RASGRP4: variants seen among roughly 807,000 people sequenced by gnomAD.
RASGRP4 encodes the protein RAS guanyl-releasing protein 4.
A neutral mutation model predicts 84.4 loss-of-function variants in RASGRP4; 52 were observed. That is an observed-to-expected ratio of 0.62 (90% confidence interval 0.49 to 0.78). The LOEUF (loss-of-function observed/expected upper bound fraction) is 0.78. Ranked by LOEUF, RASGRP4 falls within the 30% of genes least tolerant of loss-of-function variation. The probability of loss-of-function intolerance (pLI) is 0.00; values close to 1 mark genes in which losing one functional copy is unlikely to be tolerated. For synonymous variants in RASGRP4, 356 were observed against 359.1 expected (o/e 0.99, Z 0.10); for missense variants, 760 against 886.9 (o/e 0.86, Z 1.82).
chr19:38,425,398 C>T (rs1041904483), intron 1 of RASGRP4, among the ~76,000 whole-genome samples: 4 of 152,180 alleles, frequency 2.6e-5, no homozygotes, highest in Middle Eastern at 3.2e-3. Context: ...AGTTAAGTGA[C>T]TTACCTAAGG....
intron 13 of RASGRP4, chr19:38,411,642 C>T (rs920842284): frequency 1.1e-5 from 5 of 467,588 alleles, no homozygotes; most frequent in African/African-American, 9.7e-5. Flanking sequence ...TGCAATGAAC[C>T]ATGATCGTAC....
At position 38,412,996 on chromosome 19, in the gene RASGRP4, GTCC is replaced by G; in HGVS notation, c.1467_1469del (p.Glu489del). ...GAAAATTGCCCGAGAGTCGCTCAAA[GTCC>G]TCCTGAGAGATTGTTCCTCGGCCTT... On this transcript the variant is annotated inframe_deletion, in exon 12 of 17. Coordinates refer to ENST00000615439, the MANE Select transcript of RASGRP4 (RefSeq NM_170604.3). The surrounding 1 kb of genome is among the most constrained non-coding windows in gnomAD (Gnocchi z 4.6). 2 of 1,614,022 alleles carry G rather than the reference GTCC, an allele frequency of 1.2e-6. No individual in the cohort carries two copies. The highest frequency in any genetic ancestry group is 1.7e-6 in the Non-Finnish European group (2 of 1,179,890).
intron 1 of RASGRP4, among the ~76,000 whole-genome samples, chr19:38,422,461 C>T (rs886265950): frequency 6.6e-6 from 1 of 152,176 alleles, no homozygotes. Context: ...AGGTACCAGT[C>T]CGTGGCCTGT....
chr19:38,411,495 G>T, intron 13 of RASGRP4, 114 bp from the exon 14 acceptor site: 1 of 1,026,592 alleles, frequency 9.7e-7, no homozygotes, highest in South Asian at 1.7e-5. Context: ...AATTCTCAAG[G>T]CTAGAGATTT....
At chr19:38,420,655 C>A (rs1418867182) in intron 4 of RASGRP4, among the ~76,000 whole-genome samples, 1 of 144,308 alleles carries the variant, frequency 6.9e-6, no homozygotes, top group African/African-American at 2.6e-5. Flanking sequence ...AGTTGGAGGT[C>A]TCTGGGCACC....
At position 38,417,159 on chromosome 19, in the gene RASGRP4, G is replaced by A. The variant is rs1426836692; in HGVS notation, c.847C>T (p.Gln283Ter). ...ATCAGCGTGTTGAAATTCTGCAGCT[G>A]GTGGAGCCTCTAGGAAGAGAAGCAT... ...KFIHVAQRLH[Q>*]LQNFNTLMAV... is the part of the protein sequence containing the mutation. Residue 283 changes from glutamine to a stop codon, truncating the protein, a stop_gained, in exon 8 of 17, where the codon CAG becomes TAG. Coordinates refer to ENST00000615439, the MANE Select transcript of RASGRP4 (RefSeq NM_170604.3). LOFTEE classifies it high-confidence loss of function. This position sits in a 1 kb window ranked among gnomAD's most constrained non-coding sequence, Gnocchi z 5.1. 6.4e-7 allele frequency: 1 copy of A among 1,556,358 alleles called. No individual in the cohort carries two copies. Among genetic ancestry groups the A allele is most frequent in the Non-Finnish European group, 8.7e-7 (1 of 1,149,354 alleles).
rs142447161 is a variant in RASGRP4, at chr19:38,418,308, C to A, written c.837+83G>T. The A allele has an allele frequency of 7.0e-6, 10 of 1,423,974 alleles. No homozygotes were observed. The highest frequency in any genetic ancestry group is 9.6e-6 in the Non-Finnish European group (10 of 1,038,120). The allele number at this position is 1,423,974 out of a possible 1,614,324, so 88.2% of individuals were successfully genotyped here. A position where few individuals can be genotyped will look rare whatever the true frequency, so the allele number is the denominator to read the frequency against. ...ATGCGTGACGTCACCGCCGGGATGA[C>A]CCTGTGGGGTCGAGGGTCTGGAAGG... On this transcript the variant is annotated intron_variant, in intron 7 of 16. Transcript: ENST00000615439. The surrounding 1 kb of genome is among the most constrained non-coding windows in gnomAD (Gnocchi z 4.6).
In RASGRP4 at chr19:38,409,093, A is replaced by T; in HGVS notation, c.*947T>A. On this transcript the variant is annotated 3_prime_UTR_variant, in exon 17 of 17. Transcript: ENST00000615439. ...AAATTTAATTTATGACAGCTGTAGG[A>T]CCTCTCTCTGTGGGGGCCAAGTCAG... The T allele has an allele frequency of 5.4e-6, 2 of 371,504 alleles. No individual in the cohort carries two copies. The highest frequency in any genetic ancestry group is 8.8e-6 in the Non-Finnish European group (2 of 227,728). The allele number at this position is 371,504 out of a possible 1,614,324, so 23.0% of individuals were successfully genotyped here. A position where few individuals can be genotyped will look rare whatever the true frequency, so the allele number is the denominator to read the frequency against.
rs931114411 is a variant in RASGRP4, at chr19:38,412,989, G to A, written c.1477C>T (p.Arg493Ter). The change falls in exon 12 of 17, where the codon CGA (arginine) becomes TGA (stop). Residue 493 changes from arginine to a stop codon, truncating the protein, a stop_gained. Transcript: ENST00000615439. LOFTEE classifies it high-confidence loss of function. The surrounding 1 kb of genome is among the most constrained non-coding windows in gnomAD (Gnocchi z 4.6). ...RGTISQEDFE[R>*]LSGNFPFACH... The stretch of plus-strand genomic sequence containing the variant: ...GCGAAGGGAAAATTGCCCGAGAGTC[G>A]CTCAAAGTCCTCCTGAGAGATTGTT... The A allele has an allele frequency of 4.3e-6, 7 of 1,614,006 alleles. No homozygotes were observed. Among genetic ancestry groups the A allele is most frequent in the Non-Finnish European group, 5.9e-6 (7 of 1,179,880 alleles).
Position 38,410,109 on chromosome 19 carries a change from A to G in RASGRP4, c.1966-13T>C. 1 of 1,608,586 alleles carries G rather than the reference A, an allele frequency of 6.2e-7. No homozygotes were observed. The highest frequency in any genetic ancestry group is 8.5e-7 in the Non-Finnish European group (1 of 1,176,500). ...CCGGGCAGGGGACCTGGAAGGAGGA[A>G]GGGAGGAAGAAAGATGACAGATGAT... On this transcript the variant is annotated splice_polypyrimidine_tract_variant and intron_variant, in intron 16 of 16. Transcript: ENST00000615439.
chr19:38,424,930 A>T (rs531704238), intron 1 of RASGRP4, among the ~76,000 whole-genome samples: 5 of 151,076 alleles, frequency 3.3e-5, no homozygotes, highest in Non-Finnish European at 7.4e-5. Context: ...TCATGCCTCT[A>T]ATCCCAGCAC....
At chr19:38,414,517 G>A (rs1971413307) in intron 9 of RASGRP4, among the ~76,000 whole-genome samples, 1 of 151,916 alleles carries the variant, frequency 6.6e-6, no homozygotes, top group African/African-American at 2.4e-5. Context: ...GTAGAGACGG[G>A]GTTTCTCCAT....
At chr19:38,410,597 G>C (rs1971198520) in intron 16 of RASGRP4, among the ~76,000 whole-genome samples, 1 of 151,934 alleles carries the variant, frequency 6.6e-6, no homozygotes, top group Non-Finnish European at 1.5e-5. Context: ...ATTTTTAGTA[G>C]AGATAGGGTT....
At chr19:38,410,334 A>G (rs1420998931) in intron 16 of RASGRP4, among the ~76,000 whole-genome samples, 1 of 150,920 alleles carries the variant, frequency 6.6e-6, no homozygotes, top group African/African-American at 2.4e-5. Flanking sequence ...TTGCTATCTT[A>G]TTGGCTAGAA....
At position 38,413,115 on chromosome 19, in the gene RASGRP4, T is replaced by G. The variant is rs1971338809; in HGVS notation, c.1417-66A>C. 6.4e-7 allele frequency: 1 copy of G among 1,571,888 alleles called. No individual in the cohort carries two copies. Among genetic ancestry groups the G allele is most frequent in the African/African-American group, 1.3e-5 (1 of 74,112 alleles). Reference sequence around the variant, plus strand: ...GAAATATGATCCCCATGGCCATAAGTCCCCACCTCCAGGCTCAGGGTTCTA... The same window carrying G: ...GAAATATGATCCCCATGGCCATAAGGCCCCACCTCCAGGCTCAGGGTTCTA... On this transcript the variant is annotated intron_variant, in intron 11 of 16. Transcript: ENST00000615439. This position sits in a 1 kb window ranked among gnomAD's most constrained non-coding sequence, Gnocchi z 4.7.
chr19:38,419,794 C>T, intron 6 of RASGRP4, 66 bp downstream of exon 6: 1 of 1,479,324 alleles, frequency 6.8e-7, no homozygotes, highest in Non-Finnish European at 9.2e-7. Flanking sequence ...CTACCTTCCC[C>T]CAGCCAATCC....
rs998477057 is a variant in RASGRP4 at position 38,426,176 on chromosome 19, C to A, written c.-85G>T. On this transcript the variant is annotated 5_prime_UTR_variant, in exon 1 of 17. Coordinates refer to ENST00000615439, the MANE Select transcript of RASGRP4 (RefSeq NM_170604.3). Reference sequence around the variant, plus strand: ...CTTGCCCAGGACTCCAGCTTCTCAGCCCCTAGGGAGCTGGGGCCTCCTCGG... The same window carrying A: ...CTTGCCCAGGACTCCAGCTTCTCAGACCCTAGGGAGCTGGGGCCTCCTCGG... The A allele has an allele frequency of 8.8e-7, 1 of 1,142,186 alleles. No homozygotes were observed. Among genetic ancestry groups the A allele is most frequent in the Non-Finnish European group, 1.1e-6 (1 of 889,452 alleles). The allele number at this position is 1,142,186 out of a possible 1,614,324, so 70.8% of individuals were successfully genotyped here. A position where few individuals can be genotyped will look rare whatever the true frequency, so the allele number is the denominator to read the frequency against.
intron 15 of RASGRP4, 45 bp from the exon 16 acceptor site, chr19:38,411,043 C>G: frequency 1.2e-6 from 2 of 1,611,220 alleles, no homozygotes; most frequent in Non-Finnish European, 8.5e-7. Context: ...ATGGGAAGGA[C>G]CTCTTCTTGA....
Position 38,418,595 on chromosome 19 carries a change from G to A in RASGRP4, c.664-31C>T, listed in dbSNP as rs1259248340. The A allele has an allele frequency of 2.9e-5, 43 of 1,480,518 alleles. No homozygotes were observed. The highest frequency in any genetic ancestry group is 5.0e-5 in the East Asian group (2 of 40,038). The allele number at this position is 1,480,518 out of a possible 1,614,324, so 91.7% of individuals were successfully genotyped here. On this transcript the variant is annotated intron_variant, in intron 6 of 16. Transcript: ENST00000615439. This position sits in a 1 kb window ranked among gnomAD's most constrained non-coding sequence, Gnocchi z 4.6. Reference sequence around the variant, plus strand: ...AGCGAGGTGGGTGTCAAGGTGGGCCGTGGCGCTCAGGCCCTGCCCTTCCAT... The same window carrying A: ...AGCGAGGTGGGTGTCAAGGTGGGCCATGGCGCTCAGGCCCTGCCCTTCCAT...
Sources: gnomAD v4.1 joint callset for allele counts (sites outside exome capture counted in the v4.1 genomes callset) on GRCh38, gnomAD v4.1.1 for gene constraint, Gnocchi (gnomAD v3.1) non-coding constraint, MANE v1.5 for transcripts, NCBI Gene and HGNC (gene_info 2026-07-23, HGNC 2026-07-21) for gene names.